Variants in MINPP1 observed in about 807,000 individuals in gnomAD.
MINPP1 encodes multiple inositol polyphosphate phosphatase 1.
MINPP1 carries 28 observed loss-of-function variants against 46.1 expected under a neutral mutation model. That is an observed-to-expected ratio of 0.61 (90% confidence interval 0.45 to 0.83). MINPP1 has a LOEUF of 0.83. MINPP1 is among the 40% of genes least tolerant of loss of function. MINPP1 has a pLI of 0.00. For missense variants in MINPP1, 603 were observed against 610.0 expected (o/e 0.99, Z 0.12); for synonymous variants, 268 against 249.1 (o/e 1.08, Z -0.72).
At chr10:87,521,386 C>T (rs1211357102) in intron 4 of MINPP1, among the ~76,000 whole-genome samples, 1 of 152,098 alleles carries the variant, frequency 6.6e-6, no homozygotes, top group Non-Finnish European at 1.5e-5. Context: ...TAATAAATTG[C>T]ATTTGTTTAC....
At position 87,552,227 on chromosome 10, in the gene MINPP1, A is replaced by G. The variant is rs1219915379; in HGVS notation, c.1213A>G (p.Ser405Gly). 1.2e-6 allele frequency: 2 copies of G among 1,613,862 alleles called. No individual in the cohort carries two copies. Among genetic ancestry groups the G allele is most frequent in the Admixed American group, 3.3e-5 (2 of 59,960 alleles). The part of the protein sequence containing the change: ...YKKQMHRKFR[S>G]GLIVPYASNL... ...AAAACAAATGCATCGGAAGTTCCGA[A>G]GTGGTCTCATTGTACCTTATGCCTC... The change falls in exon 5 of 5, where the codon AGT becomes GGT. Residue 405 changes from serine to glycine, a missense_variant. By Grantham distance (56) the Ser-to-Gly change is moderately conservative. Around this residue, in one of 3 missense-constraint regions of MINPP1, gnomAD observed 344 missense variants for 381.1 expected, o/e 0.90. Transcript: ENST00000371996.
intron 4 of MINPP1, among the ~76,000 whole-genome samples, chr10:87,530,942 C>A (rs867181589): frequency 1.3e-5 from 2 of 152,130 alleles, no homozygotes; most frequent in South Asian, 4.1e-4. Context: ...CCTTGCAATT[C>A]GATTTCAGGC....
chr10:87,528,793 G>A (rs1051660727), intron 4 of MINPP1, among the ~76,000 whole-genome samples: 23 of 151,964 alleles, frequency 1.5e-4, no homozygotes, highest in Non-Finnish European at 2.5e-4. Flanking sequence ...TGATCTGTCT[G>A]ATGTTGACAG....
chr10:87,526,949 A>C (rs1851585864), intron 4 of MINPP1, among the ~76,000 whole-genome samples: 1 of 151,962 alleles, frequency 6.6e-6, no homozygotes, highest in South Asian at 2.1e-4. Context: ...GTTACTGTAG[A>C]CTTGTAGTGT....
intron 4 of MINPP1, among the ~76,000 whole-genome samples, chr10:87,535,708 G>A (rs770389286): frequency 7.2e-5 from 11 of 151,788 alleles, no homozygotes; most frequent in Non-Finnish European, 1.6e-4. Flanking sequence ...CAGGAGGATC[G>A]CTTGAGCCCA....
chr10:87,534,578 G>A (rs989059426), intron 4 of MINPP1, among the ~76,000 whole-genome samples: 40 of 151,884 alleles, frequency 2.6e-4, no homozygotes, highest in African/African-American at 8.9e-4. Context: ...ATCCAGTTTT[G>A]TAAGAATCAC....
At chr10:87,550,545 A>T (rs1402945219) in intron 4 of MINPP1, among the ~76,000 whole-genome samples, 2 of 152,106 alleles carry the variant, frequency 1.3e-5, no homozygotes, top group Admixed American at 1.3e-4. Flanking sequence ...TATGGAAGTT[A>T]TTCTGCTCCT....
chr10:87,508,269 T>C (rs753858083), intron 1 of MINPP1, 67 bp from the exon 2 acceptor site: 2 of 1,587,100 alleles, frequency 1.3e-6, no homozygotes, highest in Admixed American at 1.8e-5. Flanking sequence ...CTTAACATTT[T>C]CAATAATTTG....
At chr10:87,529,318 A>G (rs995044297) in intron 4 of MINPP1, among the ~76,000 whole-genome samples, 42 of 152,090 alleles carry the variant, frequency 2.8e-4, no homozygotes, top group African/African-American at 7.2e-4. Context: ...GGTCTTTACA[A>G]TTTGGCTTGT....
At chr10:87,537,760 T>C (rs985145941) in intron 4 of MINPP1, among the ~76,000 whole-genome samples, 1 of 151,930 alleles carries the variant, frequency 6.6e-6, no homozygotes, top group Non-Finnish European at 1.5e-5. Flanking sequence ...TTTTTTTGTG[T>C]TAGCTTTGGG....
intron 4 of MINPP1, among the ~76,000 whole-genome samples, chr10:87,529,238 T>G (rs1851622420): frequency 1.3e-5 from 2 of 152,238 alleles, no homozygotes; most frequent in Non-Finnish European, 2.9e-5. Flanking sequence ...ATGTGTGAAT[T>G]TGATCGTGTC....
intron 2 of MINPP1, among the ~76,000 whole-genome samples, chr10:87,511,833 C>T (rs566442746): frequency 1.3e-5 from 2 of 152,182 alleles, no homozygotes; most frequent in South Asian, 2.1e-4. Context: ...ATCAAATGTA[C>T]CTGGTACTTA....
At chr10:87,551,723 G>C (rs1053591387) in intron 4 of MINPP1, among the ~76,000 whole-genome samples, 1 of 152,058 alleles carries the variant, frequency 6.6e-6, no homozygotes, top group Non-Finnish European at 1.5e-5. Context: ...TAAGGGCCAG[G>C]TTGCTCAGTT....
Position 87,505,815 on chromosome 10 carries a change from T to C in MINPP1, c.637+263T>C, listed in dbSNP as rs1424394189. On this transcript the variant is annotated intron_variant, in intron 1 of 4. Coordinates refer to ENST00000371996, the MANE Select transcript of MINPP1 (RefSeq NM_004897.5). This position sits in a 1 kb window ranked among gnomAD's most constrained non-coding sequence, Gnocchi z 4.4. The stretch of plus-strand genomic sequence containing the variant: ...GTACTCGCTGCCTGCTTTAGTAGAG[T>C]TGGGGATCCAACAGGAAAGGGGACA... Among the ~76,000 whole-genome samples the C allele has an allele frequency of 1.3e-5, 2 of 152,110 alleles. No individual in the cohort carries two copies. The highest frequency in any genetic ancestry group is 2.1e-4 in the South Asian group (1 of 4,822).
chr10:87,527,586 C>A (rs1851595999), intron 4 of MINPP1, among the ~76,000 whole-genome samples: 1 of 152,098 alleles, frequency 6.6e-6, no homozygotes. Context: ...TATTGATTTG[C>A]ATATATTGAA....
chr10:87,537,511 T>TTGTGTGTG (rs1554853571), intron 4 of MINPP1, among the ~76,000 whole-genome samples: 33 of 85,184 alleles, frequency 3.9e-4, no homozygotes, highest in African/African-American at 8.9e-4. Context: ...TTATTACTGT[T>TTGTGTGTG]TGTGTGTGTG....
intron 4 of MINPP1, among the ~76,000 whole-genome samples, chr10:87,547,882 C>A (rs1851910378): frequency 6.6e-6 from 1 of 152,018 alleles, no homozygotes; most frequent in Non-Finnish European, 1.5e-5. Context: ...AGCCATCGAT[C>A]AATATGTGAT....
In MINPP1 at chr10:87,544,732, GATA is replaced by G. The variant is rs201107188; in HGVS notation, c.1068-7342_1068-7340del. On this transcript the variant is annotated intron_variant, in intron 4 of 4. Transcript: ENST00000371996. ...TTCTTACGGAGCCTAGAGGAATAAAGATAATAATAAAGATTACTTTATTTATGA... is the reference window on the plus strand; with the variant it reads ...TTCTTACGGAGCCTAGAGGAATAAAGATAATAAAGATTACTTTATTTATGA... 6.1e-4 allele frequency among the ~76,000 whole-genome samples: 92 copies of G among 152,060 alleles called. No homozygotes were observed. The East Asian group carries it at 0.014, about 23-fold the overall frequency.
intron 4 of MINPP1, among the ~76,000 whole-genome samples, chr10:87,534,359 G>A (rs886313914): frequency 1.3e-5 from 2 of 151,988 alleles, no homozygotes; most frequent in Non-Finnish European, 1.5e-5. Context: ...CACAGTGCCC[G>A]GCCACATACT....
Sources: allele counts gnomAD v4.1 joint callset (sites outside exome capture counted in the v4.1 genomes callset), GRCh38; gene constraint gnomAD v4.1.1; regional missense constraint gnomAD v4.1.1; non-coding constraint Gnocchi (gnomAD v3.1); transcripts MANE v1.5; gene names NCBI Gene and HGNC (gene_info 2026-07-23, HGNC 2026-07-21).